Variants in SNTG1 observed in about 807,000 individuals in gnomAD.
SNTG1 encodes the protein gamma-1-syntrophin.
In SNTG1, 39 loss-of-function variants were observed where a neutral mutation model predicts 74.7. That is an observed-to-expected ratio of 0.52 (90% confidence interval 0.40 to 0.68). SNTG1 has a LOEUF of 0.68. SNTG1 is among the 30% of genes least tolerant of loss of function. The pLI is 0.00. For synonymous variants in SNTG1, 254 were observed against 217.1 expected (o/e 1.17, Z -1.49); for missense variants, 685 against 609.5 (o/e 1.12, Z -1.30).
chr8:50,553,092 T>C lies in SNTG1; in HGVS notation c.723T>C (p.Thr241=). ...FQVIAVDGVC[T]GIIQCLSAED... ...TCATTGCTGTGGATGGGGTCTGCACTGGGATTATTCAGTGCCTCTCTGCTG... is the reference window on the plus strand; with the variant it reads ...TCATTGCTGTGGATGGGGTCTGCACCGGGATTATTCAGTGCCTCTCTGCTG... Residue 241 remains threonine, a synonymous_variant, in exon 12 of 19, where the codon ACT becomes ACC. Transcript: ENST00000642720. 1 of 1,613,948 alleles carries C rather than the reference T, an allele frequency of 6.2e-7. No individual in the cohort carries two copies. The highest frequency in any genetic ancestry group is 8.5e-7 in the Non-Finnish European group (1 of 1,179,866).
At chr8:50,568,744 T>C (rs1391315180) in intron 12 of SNTG1, 1 of 152,182 alleles carries the variant, frequency 6.6e-6, no homozygotes, top group Non-Finnish European at 1.5e-5. Context: ...GATGCATAGT[T>C]TGCAAATACA....
At chr8:50,247,547 C>T (rs1173206423) in intron 2 of SNTG1, among the ~76,000 whole-genome samples, 1 of 152,038 alleles carries the variant, frequency 6.6e-6, no homozygotes, top group African/African-American at 2.4e-5. Context: ...ACTCTGTCAC[C>T]CAGGCTGCAG....
chr8:50,155,739 C>T (rs1344306192), intron 1 of SNTG1, among the ~76,000 whole-genome samples: 1 of 151,892 alleles, frequency 6.6e-6, no homozygotes, highest in African/African-American at 2.4e-5. Flanking sequence ...CATCACCTTT[C>T]ACTCTATAGG....
intron 1 of SNTG1, among the ~76,000 whole-genome samples, chr8:49,985,799 T>C (rs1441471714): frequency 6.6e-6 from 1 of 152,186 alleles, no homozygotes; most frequent in Non-Finnish European, 1.5e-5. Flanking sequence ...TTTTAAACTT[T>C]GATTATATTT....
chr8:50,307,810 T>C (rs1422961749), intron 2 of SNTG1, among the ~76,000 whole-genome samples: 1 of 152,134 alleles, frequency 6.6e-6, no homozygotes, highest in Non-Finnish European at 1.5e-5. Context: ...ACATCATTTA[T>C]TTATAGCTGA....
chr8:50,442,053 A>G (rs779623771), intron 5 of SNTG1, among the ~76,000 whole-genome samples: 9 of 152,228 alleles, frequency 5.9e-5, no homozygotes, highest in Admixed American at 2.6e-4. Context: ...CGCATGCTGC[A>G]CATGGAAAAG....
intron 4 of SNTG1, among the ~76,000 whole-genome samples, chr8:50,409,693 G>C (rs1016325657): frequency 1.3e-5 from 2 of 152,178 alleles, no homozygotes; most frequent in African/African-American, 4.8e-5. Context: ...ATCTGTGGCT[G>C]TTCTCATGGT....
In SNTG1 at chr8:50,512,071, G is replaced by A. The variant is rs541551217; in HGVS notation, c.466+9191G>A. Among the ~76,000 whole-genome samples, 3 of 152,126 alleles carry A rather than the reference G, an allele frequency of 2.0e-5. No individual in the cohort carries two copies. The East Asian group carries it at 5.8e-4, about 29-fold the overall frequency. ...GCTGGTACTGGTTTTTCCTTTCCATGTTTAGTGCTTCCTTCAGGAGCTCTT... is the reference window on the plus strand; with the variant it reads ...GCTGGTACTGGTTTTTCCTTTCCATATTTAGTGCTTCCTTCAGGAGCTCTT... On this transcript the variant is annotated intron_variant, in intron 9 of 18. Transcript: ENST00000642720.
intron 9 of SNTG1, among the ~76,000 whole-genome samples, chr8:50,525,286 C>T (rs1405859266): frequency 2.0e-5 from 3 of 151,964 alleles, no homozygotes; most frequent in African/African-American, 7.2e-5. Context: ...GCATTTTTTT[C>T]TTGCAGCTTT....
At chr8:50,155,966 G>A (rs901884816) in intron 1 of SNTG1, among the ~76,000 whole-genome samples, 2 of 151,132 alleles carry the variant, frequency 1.3e-5, no homozygotes, top group African/African-American at 4.9e-5. Flanking sequence ...ATATAGAAGT[G>A]TAAAAAGGAA....
At chr8:50,404,155 T>A (rs1037496831) in intron 4 of SNTG1, among the ~76,000 whole-genome samples, 2 of 151,930 alleles carry the variant, frequency 1.3e-5, no homozygotes, top group Non-Finnish European at 2.9e-5. Context: ...CAACTAGAAA[T>A]GAAATGAAAA....
chr8:50,713,814 C>T (rs973077969), intron 17 of SNTG1, among the ~76,000 whole-genome samples: 53 of 151,960 alleles, frequency 3.5e-4, no homozygotes, highest in Non-Finnish European at 7.1e-4. Flanking sequence ...AATTCCAGCA[C>T]TTTGGAAGGC....
At chr8:50,046,341 A>AT (rs1274046847) in intron 1 of SNTG1, among the ~76,000 whole-genome samples, 2 of 151,916 alleles carry the variant, frequency 1.3e-5, no homozygotes, top group African/African-American at 4.8e-5. Flanking sequence ...TCTTTGATCT[A>AT]TTTTCTCATT....
At chr8:50,070,404 C>T (rs1821265905) in intron 1 of SNTG1, among the ~76,000 whole-genome samples, 2 of 152,088 alleles carry the variant, frequency 1.3e-5, no homozygotes, top group Non-Finnish European at 2.9e-5. Context: ...CCACTAAAAA[C>T]TAAAAGCATT....
intron 2 of SNTG1, among the ~76,000 whole-genome samples, chr8:50,358,576 A>T (rs1042737261): frequency 6.6e-6 from 1 of 152,220 alleles, no homozygotes; most frequent in Admixed American, 6.5e-5. Flanking sequence ...ATTTTGACTC[A>T]ATAACACTAT....
intron 13 of SNTG1, among the ~76,000 whole-genome samples, chr8:50,611,740 C>T (rs544295395): frequency 5.9e-5 from 9 of 152,024 alleles, no homozygotes; most frequent in Admixed American, 1.3e-4. Context: ...CTGGGCAACA[C>T]GGAGAGACTC....
chr8:50,625,489 C>T (rs542031994), intron 13 of SNTG1, among the ~76,000 whole-genome samples: 1 of 152,220 alleles, frequency 6.6e-6, no homozygotes, highest in East Asian at 1.9e-4. Flanking sequence ...CTGTAGAACA[C>T]CATAAATATA....
Position 50,615,723 on chromosome 8 carries a change from C to G in SNTG1, c.849+24806C>G, listed in dbSNP as rs534751930. On this transcript the variant is annotated intron_variant, in intron 13 of 18. Transcript: ENST00000642720. ...TAAAGAATTTTACCTAGATATATAA[C>G]ATGTTAAATACGTAACTGAAAAGGT... 2.0e-5 allele frequency among the ~76,000 whole-genome samples: 3 copies of G among 152,274 alleles called. No homozygotes were observed. The South Asian group carries it at 6.2e-4, about 32-fold the overall frequency.
chr8:50,069,015 T>C (rs1452586792), intron 1 of SNTG1, among the ~76,000 whole-genome samples: 1 of 152,272 alleles, frequency 6.6e-6, no homozygotes, highest in Non-Finnish European at 1.5e-5. Context: ...ATCTTATTTA[T>C]GATTTACAAT....
Sources: allele counts gnomAD v4.1 joint callset (sites outside exome capture counted in the v4.1 genomes callset), GRCh38; gene constraint gnomAD v4.1.1; transcripts MANE v1.5; gene names NCBI Gene and HGNC (gene_info 2026-07-23, HGNC 2026-07-21).